Variants in ADAMTS19 observed in about 807,000 individuals in gnomAD.
ADAMTS19 encodes the protein A disintegrin and metalloproteinase with thrombospondin motifs 19.
A neutral mutation model predicts 153.3 loss-of-function variants in ADAMTS19; 93 were observed. The ratio of observed to expected loss-of-function variants is 0.61; its 90% CI spans 0.51 to 0.72. The LOEUF (loss-of-function observed/expected upper bound fraction) is 0.72. Ranked by LOEUF, ADAMTS19 falls within the 30% of genes least tolerant of loss-of-function variation. The pLI, the probability that ADAMTS19 is intolerant of heterozygous loss-of-function variation, is 0.00. For missense variants in ADAMTS19, 1,482 were observed against 1,552.1 expected (o/e 0.95, Z 0.76); for synonymous variants, 600 against 556.6 (o/e 1.08, Z -1.10).
At chr5:129,572,887 T>C (rs546703086) in intron 7 of ADAMTS19, among the ~76,000 whole-genome samples, 1 of 152,078 alleles carries the variant, frequency 6.6e-6, no homozygotes, top group South Asian at 2.1e-4. Flanking sequence ...GACAGTACAG[T>C]AAAAAGAAAA....
At chr5:129,735,143 A>C in intron 22 of ADAMTS19, 34 bp downstream of exon 22, 1 of 1,507,428 alleles carries the variant, frequency 6.6e-7, no homozygotes, top group Non-Finnish European at 8.9e-7. Context: ...GCTTTTGAAA[A>C]ACATAGAAAT....
intron 2 of ADAMTS19, among the ~76,000 whole-genome samples, chr5:129,466,465 A>G (rs1749863636): frequency 6.6e-6 from 1 of 152,176 alleles, no homozygotes; most frequent in African/African-American, 2.4e-5. Flanking sequence ...TTAAAAAAAT[A>G]GGAACAAACT....
rs188747035 is a variant in ADAMTS19 at position 129,516,033 on chromosome 5, A to G, written c.913+6791A>G. 6.2e-4 allele frequency among the ~76,000 whole-genome samples: 94 copies of G among 152,048 alleles called. No homozygotes were observed. In the East Asian group the frequency reaches 0.011, roughly 18 times the overall value. On this transcript the variant is annotated intron_variant, in intron 3 of 22. Transcript: ENST00000274487. Reference sequence around the variant, plus strand: ...TTTATGAAATGCTTTTTCAGCATCAATTGACATGATCATATGGTTTTCTCC... The same window carrying G: ...TTTATGAAATGCTTTTTCAGCATCAGTTGACATGATCATATGGTTTTCTCC...
intron 21 of ADAMTS19, among the ~76,000 whole-genome samples, chr5:129,723,841 C>T (rs1398599631): frequency 2.6e-5 from 4 of 152,102 alleles, no homozygotes; most frequent in Admixed American, 6.5e-5. Context: ...TTTTGGGAAA[C>T]GTAAGACACC....
At chr5:129,479,440 C>T (rs1035775827) in intron 2 of ADAMTS19, among the ~76,000 whole-genome samples, 7 of 151,962 alleles carry the variant, frequency 4.6e-5, no homozygotes, top group African/African-American at 1.2e-4. Context: ...ATAATCCTGG[C>T]GCAGTCCAAT....
chr5:129,705,361 A>AT lies in ADAMTS19; in HGVS notation c.3312+971dup, dbSNP rs1184632220. On this transcript the variant is annotated intron_variant, in intron 21 of 22. Transcript: ENST00000274487. Reference sequence around the variant, plus strand: ...GGGAGAAATATTTTCAATATAGAAAATACTGTGATTATCCCACTTTCACAG... The same window carrying AT: ...GGGAGAAATATTTTCAATATAGAAAATTACTGTGATTATCCCACTTTCACAG... Among the ~76,000 whole-genome samples the AT allele has an allele frequency of 3.3e-5, 5 of 152,290 alleles. No individual in the cohort carries two copies. In the East Asian group the frequency reaches 7.7e-4, roughly 24 times the overall value.
At chr5:129,546,411 A>C (rs2126809776) in intron 6 of ADAMTS19, among the ~76,000 whole-genome samples, 1 of 151,090 alleles carries the variant, frequency 6.6e-6, no homozygotes, top group East Asian at 1.9e-4. Context: ...AAAAGAGAAG[A>C]TAAATAAAAA....
chr5:129,610,005 A>G (rs1346595313), intron 8 of ADAMTS19, among the ~76,000 whole-genome samples: 1 of 152,098 alleles, frequency 6.6e-6, no homozygotes, highest in Non-Finnish European at 1.5e-5. Context: ...TAGACATTTA[A>G]CAAGACATTC....
rs181580142 is a variant in ADAMTS19, at chr5:129,522,287, A to G, written c.914-3997A>G. ...AAACAACATATGTATGCGTAGTTGT[A>G]TGTGTGTGTGTGTATATATATATAT... On this transcript the variant is annotated intron_variant, in intron 3 of 22. Coordinates refer to ENST00000274487, the MANE Select transcript of ADAMTS19 (RefSeq NM_133638.6). 5.2e-3 allele frequency among the ~76,000 whole-genome samples: 653 copies of G among 124,520 alleles called. 3 individuals carry two copies. The highest frequency in any genetic ancestry group is 7.7e-3 in the Non-Finnish European group (473 of 61,308). 81.7% of individuals were successfully genotyped at this position (124,520 alleles called of 152,430 possible).
chr5:129,701,425 T>C lies in ADAMTS19; in HGVS notation c.2992T>C (p.Cys998Arg). 6.2e-7 allele frequency: 1 copy of C among 1,614,164 alleles called. No homozygotes were observed. The highest frequency in any genetic ancestry group is 8.5e-7 in the Non-Finnish European group (1 of 1,180,022). ...AGAATGGACCCCTTGTTCACGAACT[T>C]GTGGAAAAGGAATGCAGAGCAGACA... is the stretch of plus-strand genomic sequence containing the variant. ...MTEWTPCSRT[C>R]GKGMQSRQVA... Residue 998 changes from cysteine (C) to arginine (R), a missense_variant, in exon 20 of 23, where the codon TGT (cysteine) becomes CGT (arginine). Physicochemically the swap from Cys to Arg is radical, Grantham distance 180. Coordinates refer to ENST00000274487, the MANE Select transcript of ADAMTS19 (RefSeq NM_133638.6).
At chr5:129,584,775 C>T (rs75614831) in intron 7 of ADAMTS19, among the ~76,000 whole-genome samples, 6,782 of 152,264 alleles carry the variant, frequency 0.045, 472 homozygotes, top group African/African-American at 0.15. Flanking sequence ...CCCAGGTCGA[C>T]TTCAGACTGC....
chr5:129,682,946 C>T (rs548738472), intron 17 of ADAMTS19, among the ~76,000 whole-genome samples: 2 of 152,036 alleles, frequency 1.3e-5, no homozygotes, highest in South Asian at 4.2e-4. Context: ...TAAACCTAGG[C>T]CCATTTCAAT....
At chr5:129,585,478 T>C (rs1749735403) in intron 7 of ADAMTS19, among the ~76,000 whole-genome samples, 1 of 152,134 alleles carries the variant, frequency 6.6e-6, no homozygotes, top group Admixed American at 6.5e-5. Context: ...TATTTTCTAA[T>C]GTCAATTATA....
intron 3 of ADAMTS19, among the ~76,000 whole-genome samples, chr5:129,513,749 T>C (rs1440333961): frequency 6.6e-6 from 1 of 151,972 alleles, no homozygotes; most frequent in Non-Finnish European, 1.5e-5. Flanking sequence ...GCAAATGGGG[T>C]ATCCATCCCC....
intron 6 of ADAMTS19, among the ~76,000 whole-genome samples, chr5:129,549,727 G>A (rs1451573844): frequency 6.6e-6 from 1 of 150,522 alleles, no homozygotes; most frequent in Admixed American, 6.7e-5. Context: ...ATATGGAACT[G>A]CACTCCAAAA....
intron 3 of ADAMTS19, 55 bp from the exon 4 acceptor site, chr5:129,526,224 TTAATA>T (rs1189676486): frequency 7.2e-7 from 1 of 1,397,588 alleles, no homozygotes; most frequent in Non-Finnish European, 9.6e-7. Context: ...TTAAATATGT[TTAATA>T]TTATTCACTT....
chr5:129,654,555 G>A, intron 14 of ADAMTS19, 122 bp downstream of exon 14: 2 of 1,102,152 alleles, frequency 1.8e-6, no homozygotes, highest in Non-Finnish European at 1.3e-6. Flanking sequence ...CTATAGTCCT[G>A]CCTTGACTGT....
intron 8 of ADAMTS19, among the ~76,000 whole-genome samples, chr5:129,602,727 T>C (rs924749695): frequency 2.6e-5 from 4 of 152,180 alleles, no homozygotes; most frequent in Admixed American, 1.3e-4. Context: ...TTGTCAAATT[T>C]CATACTTTCA....
At chr5:129,519,617 A>T (rs1365121775) in intron 3 of ADAMTS19, among the ~76,000 whole-genome samples, 1 of 150,580 alleles carries the variant, frequency 6.6e-6, no homozygotes, top group Non-Finnish European at 1.5e-5. Context: ...ATCAAGGTTT[A>T]TAGGCTGCCC....
Sources: allele counts gnomAD v4.1 joint callset (sites outside exome capture counted in the v4.1 genomes callset), GRCh38; gene constraint gnomAD v4.1.1; transcripts MANE v1.5; gene names NCBI Gene and HGNC (gene_info 2026-07-23, HGNC 2026-07-21).